Variants in ZNF804A observed in about 807,000 individuals in gnomAD.
ZNF804A encodes the protein zinc finger protein 804A.
In ZNF804A, 2 loss-of-function variants were observed where a neutral mutation model predicts 16.5. That is an observed-to-expected ratio of 0.12 (90% CI 0.05 to 0.38). The LOEUF (loss-of-function observed/expected upper bound fraction) is 0.38, where lower values mean the gene tolerates loss of function less well. Ranked by LOEUF, ZNF804A falls within the 10% of genes least tolerant of loss-of-function variation. The probability of loss-of-function intolerance (pLI) is 0.99; values close to 1 mark genes in which losing one functional copy is unlikely to be tolerated. For missense variants in ZNF804A, 1,473 were observed against 1,390.7 expected, an observed-to-expected ratio of 1.06 and a Z score of -0.94; for synonymous variants, 534 against 489.6, an observed-to-expected ratio of 1.09 and a Z score of -1.20.
At chr2:184,628,081 G>C (rs776717574) in intron 1 of ZNF804A, among the ~76,000 whole-genome samples, 1 of 152,134 alleles carries the variant, frequency 6.6e-6, no homozygotes, top group Non-Finnish European at 1.5e-5. Context: ...TTGGGAGGCC[G>C]AGGCGGGCGG....
intron 1 of ZNF804A, among the ~76,000 whole-genome samples, chr2:184,625,772 T>C (rs1344467280): frequency 1.3e-5 from 2 of 152,226 alleles, no homozygotes; most frequent in Non-Finnish European, 2.9e-5. Context: ...TAGAGATTAA[T>C]TTAAATAGAT....
chr2:184,930,706 T>C (rs1262582847), intron 2 of ZNF804A, among the ~76,000 whole-genome samples: 1 of 152,192 alleles, frequency 6.6e-6, no homozygotes, highest in East Asian at 1.9e-4. Flanking sequence ...CATTTATAAT[T>C]TGGAGGATCT....
At chr2:184,716,702 C>T (rs1246683717) in intron 1 of ZNF804A, among the ~76,000 whole-genome samples, 1 of 152,038 alleles carries the variant, frequency 6.6e-6, no homozygotes, top group African/African-American at 2.4e-5. Flanking sequence ...CTACCCAAGA[C>T]AAATATTATA....
At chr2:184,901,826 T>C (rs1283721070) in intron 2 of ZNF804A, among the ~76,000 whole-genome samples, 1 of 152,046 alleles carries the variant, frequency 6.6e-6, no homozygotes, top group African/African-American at 2.4e-5. Flanking sequence ...TAGATAATAA[T>C]AATATTTTTC....
At chr2:184,773,559 AT>A (rs997921337) in intron 1 of ZNF804A, among the ~76,000 whole-genome samples, 4 of 151,948 alleles carry the variant, frequency 2.6e-5, no homozygotes, top group African/African-American at 9.7e-5. Flanking sequence ...GGAATGGAAA[AT>A]CAAACATTTT....
At chr2:184,704,399 G>T (rs971941789) in intron 1 of ZNF804A, among the ~76,000 whole-genome samples, 2 of 151,992 alleles carry the variant, frequency 1.3e-5, no homozygotes, top group Non-Finnish European at 2.9e-5. Flanking sequence ...TGATCCACCC[G>T]CCTCAGCCTC....
intron 1 of ZNF804A, among the ~76,000 whole-genome samples, chr2:184,669,768 A>ACGCACT: frequency 6.6e-6 from 1 of 151,134 alleles, no homozygotes; most frequent in East Asian, 1.9e-4. Context: ...ACACACGCAC[A>ACGCACT]CACACACACA....
In ZNF804A at chr2:184,842,073, A is replaced by G. The variant is rs1207838142; in HGVS notation, c.112-24296A>G. On this transcript the variant is annotated intron_variant, in intron 1 of 3. Transcript: ENST00000302277. ...TTAATGTCCTTCCCTTACTCATTGT[A>G]TCTTCTCCATCCAATTTTTAGTTGT... 7.2e-5 allele frequency among the ~76,000 whole-genome samples: 11 copies of G among 152,146 alleles called. 1 individual carries two copies. Among genetic ancestry groups the G allele is most frequent in the Admixed American group, 7.2e-4 (11 of 15,266 alleles).
intron 1 of ZNF804A, among the ~76,000 whole-genome samples, chr2:184,731,716 T>G (rs978357887): frequency 6.6e-6 from 1 of 151,784 alleles, no homozygotes; most frequent in African/African-American, 2.4e-5. Context: ...ACTACAGGCA[T>G]GCGCCACACT....
At chr2:184,809,779 T>C (rs1163488155) in intron 1 of ZNF804A, among the ~76,000 whole-genome samples, 1 of 152,062 alleles carries the variant, frequency 6.6e-6, no homozygotes, top group Non-Finnish European at 1.5e-5. Flanking sequence ...TATATGTTTA[T>C]ATATACAGTA....
At chr2:184,717,574 G>A (rs756424375) in intron 1 of ZNF804A, among the ~76,000 whole-genome samples, 18 of 152,180 alleles carry the variant, frequency 1.2e-4, no homozygotes, top group Middle Eastern at 3.2e-3. Flanking sequence ...CTCTTTTGCC[G>A]CCATCCATTA....
At chr2:184,825,332 T>C (rs1223869163) in intron 1 of ZNF804A, among the ~76,000 whole-genome samples, 1 of 152,196 alleles carries the variant, frequency 6.6e-6, no homozygotes, top group African/African-American at 2.4e-5. Context: ...GATAAGTTTA[T>C]ATATCAGAAT....
chr2:184,917,724 T>C (rs1468332991), intron 2 of ZNF804A, among the ~76,000 whole-genome samples: 2 of 151,878 alleles, frequency 1.3e-5, no homozygotes, highest in Non-Finnish European at 2.9e-5. Context: ...GATTTGGTAT[T>C]ATATGTGGTT....
rs984982524 is a variant in ZNF804A, at chr2:184,620,799, A to G, written c.111+21729A>G. 3.3e-5 allele frequency among the ~76,000 whole-genome samples: 5 copies of G among 151,856 alleles called. No homozygotes were observed. In the East Asian group the frequency reaches 9.6e-4, roughly 29 times the overall value. On this transcript the variant is annotated intron_variant, in intron 1 of 3. Transcript: ENST00000302277. The stretch of plus-strand genomic sequence containing the variant: ...TTATTGGTAGTATAAAATGTGTAGT[A>G]ATTACTTGATTGATTTCATTAGTTG...
chr2:184,749,369 C>T (rs1438452152), intron 1 of ZNF804A, among the ~76,000 whole-genome samples: 2 of 150,950 alleles, frequency 1.3e-5, no homozygotes, highest in Non-Finnish European at 3.0e-5. Flanking sequence ...TTGATTTGGC[C>T]TTCAGCTTGG....
chr2:184,787,732 C>T (rs1391602757), intron 1 of ZNF804A, among the ~76,000 whole-genome samples: 8 of 151,012 alleles, frequency 5.3e-5, no homozygotes, highest in African/African-American at 9.7e-5. Flanking sequence ...CTTTTAGTTC[C>T]TTGTAGTTTT....
chr2:184,683,148 C>T (rs1039287303), intron 1 of ZNF804A, among the ~76,000 whole-genome samples: 3 of 152,124 alleles, frequency 2.0e-5, no homozygotes, highest in South Asian at 2.1e-4. Context: ...TCCTTGGCAT[C>T]GTATTATGTC....
rs1216201726 is a variant in ZNF804A at position 184,866,371 on chromosome 2, C to T, written c.114C>T (p.Asp38=). 9.9e-6 allele frequency: 16 copies of T among 1,612,606 alleles called. No individual in the cohort carries two copies. Among genetic ancestry groups the T allele is most frequent in the Non-Finnish European group, 1.4e-5 (16 of 1,179,344 alleles). The change falls in exon 2 of 4, where the codon GAC becomes GAT. Residue 38 remains aspartate, a splice_region_variant and synonymous_variant. Coordinates refer to ENST00000302277, the MANE Select transcript of ZNF804A (RefSeq NM_194250.2). ...PLSKNGNKTL[D]YAEKENTIAK... Reference sequence around the variant, plus strand: ...TTCCTTGAAATTTTATTTTTCAGGACTATGCTGAGAAGGAAAATACCATAG... The same window carrying T: ...TTCCTTGAAATTTTATTTTTCAGGATTATGCTGAGAAGGAAAATACCATAG...
intron 1 of ZNF804A, among the ~76,000 whole-genome samples, chr2:184,697,269 A>G (rs1692847192): frequency 6.6e-6 from 1 of 152,098 alleles, no homozygotes; most frequent in Non-Finnish European, 1.5e-5. Context: ...ATGAAGCTAA[A>G]AAAATATGCT....
Sources: allele counts gnomAD v4.1 joint callset (sites outside exome capture counted in the v4.1 genomes callset), GRCh38; gene constraint gnomAD v4.1.1; transcripts MANE v1.5; gene names NCBI Gene and HGNC (gene_info 2026-07-23, HGNC 2026-07-21).